Variants in IQGAP2 observed in about 807,000 individuals in gnomAD.
IQGAP2 encodes the protein ras GTPase-activating-like protein IQGAP2.
A neutral mutation model predicts 201.3 loss-of-function variants in IQGAP2; 173 were observed. The observed-to-expected ratio is 0.86, with a 90% CI of 0.76 to 0.98. IQGAP2 has a LOEUF of 0.98. Among genes scored for constraint, IQGAP2 ranks in the 50% least tolerant of loss-of-function variants. The pLI is 0.00. For missense variants in IQGAP2, 1,687 were observed against 1,864.8 expected (o/e 0.90, Z 1.76); for synonymous variants, 675 against 673.9 (o/e 1.00, Z -0.03).
At chr5:76,693,718 G>T in intron 31 of IQGAP2, 1 of 254,110 alleles carries the variant, frequency 3.9e-6, no homozygotes, top group African/African-American at 2.2e-5. Flanking sequence ...GCCCGGAAAT[G>T]TTCATCATAA....
chr5:76,430,587 C>T (rs1752312332), intron 1 of IQGAP2, among the ~76,000 whole-genome samples: 1 of 152,196 alleles, frequency 6.6e-6, no homozygotes, highest in Non-Finnish European at 1.5e-5. Flanking sequence ...AACAGCATTT[C>T]TGCCACTCTT....
chr5:76,638,077 A>G (rs1751284110), intron 16 of IQGAP2, among the ~76,000 whole-genome samples: 1 of 152,228 alleles, frequency 6.6e-6, no homozygotes, highest in African/African-American at 2.4e-5. Context: ...GAAATAGTGC[A>G]TTAGTGAACA....
rs1248824303 is a variant in IQGAP2, at chr5:76,613,342, T to G, written c.1521+2159T>G. On this transcript the variant is annotated intron_variant, in intron 13 of 35. Coordinates refer to ENST00000274364, the MANE Select transcript of IQGAP2 (RefSeq NM_006633.5). Reference sequence around the variant, plus strand: ...AACTTACAAGCATTGGAAGACAAAGTTATTTGCTTTGAAGATAGACATCAT... The same window carrying G: ...AACTTACAAGCATTGGAAGACAAAGGTATTTGCTTTGAAGATAGACATCAT... 5.9e-5 allele frequency among the ~76,000 whole-genome samples: 9 copies of G among 152,330 alleles called. No homozygotes were observed. In the South Asian group the frequency reaches 1.0e-3, roughly 18 times the overall value.
intron 2 of IQGAP2, among the ~76,000 whole-genome samples, chr5:76,501,434 TAAACTA>T: frequency 6.6e-6 from 1 of 152,176 alleles, no homozygotes; most frequent in Non-Finnish European, 1.5e-5. Context: ...TTAAAAATAA[TAAACTA>T]TAAAGGAAAA....
At chr5:76,609,657 G>A (rs1447886003) in intron 12 of IQGAP2, among the ~76,000 whole-genome samples, 1 of 152,032 alleles carries the variant, frequency 6.6e-6, no homozygotes, top group African/African-American at 2.4e-5. Context: ...GAAGTGACGG[G>A]TGATCATTTT....
intron 2 of IQGAP2, among the ~76,000 whole-genome samples, chr5:76,528,849 T>C (rs897680806): frequency 6.6e-6 from 1 of 152,208 alleles, no homozygotes; most frequent in South Asian, 2.1e-4. Context: ...CTTTGCTTTT[T>C]AAAGGAATTG....
At chr5:76,544,388 G>A (rs765325121) in intron 2 of IQGAP2, among the ~76,000 whole-genome samples, 52 of 152,316 alleles carry the variant, frequency 3.4e-4, no homozygotes, top group Non-Finnish European at 6.5e-4. Context: ...GACAGAGAGA[G>A]CAGTTCCCAG....
chr5:76,493,214 G>A (rs1326417604), intron 2 of IQGAP2, among the ~76,000 whole-genome samples: 2 of 151,994 alleles, frequency 1.3e-5, no homozygotes, highest in African/African-American at 2.4e-5. Flanking sequence ...CACACTCACG[G>A]TGGCTCTCGT....
intron 1 of IQGAP2, among the ~76,000 whole-genome samples, chr5:76,453,840 G>A (rs1030651586): frequency 7.2e-5 from 11 of 152,174 alleles, no homozygotes; most frequent in South Asian, 4.1e-4. Flanking sequence ...GGTTCATACC[G>A]AGTCATAGGG....
At position 76,646,877 on chromosome 5, in the gene IQGAP2, C is replaced by A. The variant is rs574212628; in HGVS notation, c.2094+5774C>A. Among the ~76,000 whole-genome samples the A allele has an allele frequency of 7.2e-5, 11 of 152,124 alleles. No homozygotes were observed. The South Asian group carries it at 1.5e-3, about 20-fold the overall frequency. ...ATTTTTCTGCTATTGTGAATAACAT[C>A]TTTATTCTATTGTGTTGTTTATTCT... On this transcript the variant is annotated intron_variant, in intron 17 of 35. Transcript: ENST00000274364.
chr5:76,683,245 C>T (rs1375431315), intron 29 of IQGAP2, 28 bp downstream of exon 29: 23 of 1,541,348 alleles, frequency 1.5e-5, no homozygotes, highest in Non-Finnish European at 2.0e-5. Flanking sequence ...CTACTTATCC[C>T]TTGGTTTTTG....
At chr5:76,460,860 CTTTTTTTTTT>C (rs61258350) in intron 1 of IQGAP2, among the ~76,000 whole-genome samples, 2 of 113,540 alleles carry the variant, frequency 1.8e-5, no homozygotes, top group Non-Finnish European at 3.5e-5. Flanking sequence ...TTGCACACTG[CTTTTTTTTTT>C]TTTTTTTTTT....
intron 1 of IQGAP2, among the ~76,000 whole-genome samples, chr5:76,416,531 C>CTTTTTTTTTTT (rs1200311978): frequency 1.8e-4 from 26 of 144,098 alleles, no homozygotes; most frequent in Admixed American, 7.6e-4. Context: ...GTTCTTTGAG[C>CTTTTTTTTTTT]TTTTTTTTTT....
intron 2 of IQGAP2, among the ~76,000 whole-genome samples, chr5:76,488,136 A>G (rs982939263): frequency 1.3e-5 from 2 of 152,224 alleles, no homozygotes; most frequent in Admixed American, 1.3e-4. Flanking sequence ...ATGGATACAA[A>G]AACTGTTTTA....
chr5:76,610,966 A>G (rs1748350596), intron 12 of IQGAP2, 54 bp from the exon 13 acceptor site: 1 of 1,463,554 alleles, frequency 6.8e-7, no homozygotes, highest in Non-Finnish European at 9.3e-7. Context: ...GGTGATACTA[A>G]AGAAGTTATA....
chr5:76,495,813 G>A (rs559375289), intron 2 of IQGAP2, among the ~76,000 whole-genome samples: 8 of 152,268 alleles, frequency 5.3e-5, no homozygotes, highest in Non-Finnish European at 2.9e-5. Flanking sequence ...TGAACTACCT[G>A]GGTGAGAACT....
At position 76,449,845 on chromosome 5, in the gene IQGAP2, C is replaced by T. The variant is rs74645406; in HGVS notation, c.47-11725C>T. Among the ~76,000 whole-genome samples the T allele has an allele frequency of 2.8e-4, 42 of 152,302 alleles. No individual in the cohort carries two copies. The East Asian group carries it at 7.1e-3, about 26-fold the overall frequency. Reference sequence around the variant, plus strand: ...ATGAGGGAATTTACATACAGTACCACGATCCAGTTCCCAGCCAAGAATTAA... The same window carrying T: ...ATGAGGGAATTTACATACAGTACCATGATCCAGTTCCCAGCCAAGAATTAA... On this transcript the variant is annotated intron_variant, in intron 1 of 35. Coordinates refer to ENST00000274364, the MANE Select transcript of IQGAP2 (RefSeq NM_006633.5).
At chr5:76,560,224 C>T (rs1285455543) in intron 2 of IQGAP2, among the ~76,000 whole-genome samples, 1 of 152,070 alleles carries the variant, frequency 6.6e-6, no homozygotes, top group East Asian at 1.9e-4. Flanking sequence ...CTGACTACAG[C>T]TTACTGCAGC....
intron 13 of IQGAP2, chr5:76,623,482 C>A: frequency 2.0e-6 from 1 of 489,566 alleles, no homozygotes; most frequent in Admixed American, 3.7e-5. Context: ...TGGAGAAAGG[C>A]ATTTAACTCT....
Sources: gnomAD v4.1 joint callset for allele counts (sites outside exome capture counted in the v4.1 genomes callset) on GRCh38, gnomAD v4.1.1 for gene constraint, MANE v1.5 for transcripts, NCBI Gene and HGNC (gene_info 2026-07-23, HGNC 2026-07-21) for gene names.